Variants in POPDC3 observed in about 807,000 individuals in gnomAD.
POPDC3 encodes the protein popeye domain cAMP effector 3, also known as popeye domain-containing protein 3.
A neutral mutation model predicts 28.2 loss-of-function variants in POPDC3; 20 were observed. The ratio of observed to expected loss-of-function variants is 0.71; its 90% CI spans 0.50 to 1.03. POPDC3 has a LOEUF of 1.03. POPDC3 is among the 50% of genes least tolerant of loss of function. The pLI is 0.00. For synonymous variants in POPDC3, 118 were observed against 124.1 expected (o/e 0.95, Z 0.33); for missense variants, 316 against 345.9 (o/e 0.91, Z 0.69).
chr6:105,173,210 A>G (rs1397894688), intron 1 of POPDC3, among the ~76,000 whole-genome samples: 3 of 152,252 alleles, frequency 2.0e-5, no homozygotes, highest in East Asian at 3.8e-4. Context: ...GATTTAATAT[A>G]AACTTGAAAA....
intron 3 of POPDC3, 93 bp from the exon 4 acceptor site, chr6:105,158,844 G>A: frequency 8.5e-7 from 1 of 1,172,408 alleles, no homozygotes; most frequent in Non-Finnish European, 1.2e-6. Flanking sequence ...AATTTCACGT[G>A]CTGCCTTTTT....
intron 1 of POPDC3, among the ~76,000 whole-genome samples, chr6:105,170,670 T>G (rs1290731386): frequency 6.6e-6 from 1 of 152,172 alleles, no homozygotes; most frequent in Non-Finnish European, 1.5e-5. Context: ...AATTCCACTG[T>G]AACACAACAA....
Position 105,158,606 on chromosome 6 carries a change from T to C in POPDC3, c.740A>G (p.Asn247Ser). ...SDIADKLYAL[N>S]DRVYIGKRYH... Reference sequence around the variant, plus strand: ...TCTTTTTCCTATATATACCCTGTCATTCAAGGCATAGAGTTTATCTGCAAT... The same window carrying C: ...TCTTTTTCCTATATATACCCTGTCACTCAAGGCATAGAGTTTATCTGCAAT... Residue 247 changes from asparagine to serine, a missense_variant, in exon 4 of 4, where the codon AAT (asparagine) becomes AGT (serine). Asn to Ser is a conservative substitution (Grantham distance 46, BLOSUM62 1). Coordinates refer to ENST00000254765, the MANE Select transcript of POPDC3 (RefSeq NM_022361.5). 3 of 1,614,160 alleles carry C rather than the reference T, an allele frequency of 1.9e-6. No homozygotes were observed. The highest frequency in any genetic ancestry group is 2.5e-6 in the Non-Finnish European group (3 of 1,180,024).
chr6:105,166,634 C>G (rs972409927), intron 1 of POPDC3: 4 of 471,040 alleles, frequency 8.5e-6, no homozygotes, highest in South Asian at 3.1e-5. Flanking sequence ...CTCATCAGTC[C>G]AAGAGGGATG....
At chr6:105,175,440 A>C (rs1774664199) in intron 1 of POPDC3, among the ~76,000 whole-genome samples, 1 of 150,528 alleles carries the variant, frequency 6.6e-6, no homozygotes, top group Non-Finnish European at 1.5e-5. Context: ...TGGGAGGCTG[A>C]GGTGGGAGGA....
At chr6:105,164,392 A>G (rs1190288) in intron 1 of POPDC3, among the ~76,000 whole-genome samples, 140,524 of 152,214 alleles carry the variant, frequency 0.92, 65,008 homozygotes, top group Non-Finnish European at 0.96. Context: ...CTGTGCTTCC[A>G]TCTTTACTAA....
rs2114528362 is a variant in POPDC3 at position 105,162,127 on chromosome 6, A to G, written c.-218T>C. ...TTCTTTAAGTTCATCTGGGCTCCTGATTTGGATCCAGTCTGCAAATATTTT... is the reference window on the plus strand; with the variant it reads ...TTCTTTAAGTTCATCTGGGCTCCTGGTTTGGATCCAGTCTGCAAATATTTT... On this transcript the variant is annotated 5_prime_UTR_variant, in exon 2 of 4. Coordinates refer to ENST00000254765, the MANE Select transcript of POPDC3 (RefSeq NM_022361.5). 2 of 1,286,164 alleles carry G rather than the reference A, an allele frequency of 1.6e-6. No homozygotes were observed. The highest frequency in any genetic ancestry group is 5.9e-5 in the East Asian group (2 of 33,868). The allele number at this position is 1,286,164 out of a possible 1,614,324, so 79.7% of individuals were successfully genotyped here. A position where few individuals can be genotyped will look rare whatever the true frequency, so the allele number is the denominator to read the frequency against.
chr6:105,161,454 A>G lies in POPDC3; in HGVS notation c.456T>C (p.Ile152=), dbSNP rs1328942443. 2 of 1,613,810 alleles carry G rather than the reference A, an allele frequency of 1.2e-6. No homozygotes were observed. The highest frequency in any genetic ancestry group is 1.7e-6 in the Non-Finnish European group (2 of 1,179,902). Residue 152 remains isoleucine, a synonymous_variant, in exon 2 of 4, where the codon ATT becomes ATC. Coordinates refer to ENST00000254765, the MANE Select transcript of POPDC3 (RefSeq NM_022361.5). ...HCYAMQGKTS[I]DKLSLLVSGR... ...CTGAAACAAGCAAGGAGAGTTTATC[A>G]ATGGAAGTTTTCCCCTGCATGGCAT...
intron 1 of POPDC3, chr6:105,169,265 G>C (rs895710147): frequency 2.0e-5 from 3 of 152,130 alleles, no homozygotes; most frequent in African/African-American, 7.2e-5. Flanking sequence ...ATTTAAATCA[G>C]GAAAATCAGC....
At chr6:105,171,681 A>G (rs1774580379) in intron 1 of POPDC3, among the ~76,000 whole-genome samples, 1 of 151,110 alleles carries the variant, frequency 6.6e-6, no homozygotes. Context: ...AAATAATAAT[A>G]ATAATAATTA....
intron 1 of POPDC3, among the ~76,000 whole-genome samples, chr6:105,177,724 G>A (rs1774707815): frequency 6.6e-6 from 1 of 152,168 alleles, no homozygotes; most frequent in Admixed American, 6.5e-5. Flanking sequence ...CCAGTTGCTT[G>A]TCCTTCCAAT....
intron 1 of POPDC3, among the ~76,000 whole-genome samples, chr6:105,167,030 T>C (rs1190201856): frequency 5.3e-5 from 8 of 151,408 alleles, no homozygotes; most frequent in Non-Finnish European, 8.8e-5. Flanking sequence ...AGTGCACAGG[T>C]AGAAAAACAG....
intron 3 of POPDC3, 137 bp from the exon 4 acceptor site, chr6:105,158,888 A>G (rs1262697118): frequency 7.6e-6 from 5 of 659,688 alleles, no homozygotes; most frequent in Non-Finnish European, 1.3e-5. Flanking sequence ...CCTACAATAT[A>G]TTGCAAAAAT....
At chr6:105,178,707 T>C in intron 1 of POPDC3, 1 of 984,710 alleles carries the variant, frequency 1.0e-6, no homozygotes, top group Non-Finnish European at 1.2e-6. Flanking sequence ...ATTTTTTGTT[T>C]ATATTTTCTG....
chr6:105,158,386 G>C lies in POPDC3; in HGVS notation c.*84C>G, dbSNP rs1774228562. On this transcript the variant is annotated 3_prime_UTR_variant, in exon 4 of 4. Transcript: ENST00000254765. ...ATTTGATTTATAAAAACATTAGGGA[G>C]CTCTTTTTTTGTATTTTGCTATTTC... The C allele has an allele frequency of 3.5e-6, 4 of 1,156,236 alleles. No individual in the cohort carries two copies. The highest frequency in any genetic ancestry group is 4.8e-6 in the Non-Finnish European group (4 of 828,190). The allele number at this position is 1,156,236 out of a possible 1,614,324, so 71.6% of individuals were successfully genotyped here. A position where few individuals can be genotyped will look rare whatever the true frequency, so the allele number is the denominator to read the frequency against.
At chr6:105,167,899 G>A (rs1289456623) in intron 1 of POPDC3, among the ~76,000 whole-genome samples, 1 of 152,098 alleles carries the variant, frequency 6.6e-6, no homozygotes, top group Non-Finnish European at 1.5e-5. Context: ...TGTTTATGTG[G>A]CTTGCATTAT....
chr6:105,177,735 A>G (rs1774707999), intron 1 of POPDC3, among the ~76,000 whole-genome samples: 1 of 152,158 alleles, frequency 6.6e-6, no homozygotes, highest in African/African-American at 2.4e-5. Context: ...TCCTTCCAAT[A>G]CTACCCCACA....
Position 105,159,725 on chromosome 6 carries a change from C to A in POPDC3, c.580G>T (p.Glu194Ter). 6.2e-7 allele frequency: 1 copy of A among 1,609,884 alleles called. No homozygotes were observed. The highest frequency in any genetic ancestry group is 8.5e-7 in the Non-Finnish European group (1 of 1,176,328). Residue 194 changes from glutamate to a stop codon, truncating the protein, a stop_gained, in exon 3 of 4, where the codon GAA becomes TAA. Coordinates refer to ENST00000254765, the MANE Select transcript of POPDC3 (RefSeq NM_022361.5). LOFTEE classifies it high-confidence loss of function. Reference sequence around the variant, plus strand: ...GTATCCCTTACCTGAAAAATGCCTTCCTCTGTGGGTCTCAGTGAATCCCAC... The same window carrying A: ...GTATCCCTTACCTGAAAAATGCCTTACTCTGTGGGTCTCAGTGAATCCCAC... ...PEWDSLRPTE[E>*]GIFQVTLTAE...
intron 1 of POPDC3, among the ~76,000 whole-genome samples, chr6:105,166,267 C>T (rs1179052223): frequency 4.0e-5 from 6 of 151,630 alleles, no homozygotes; most frequent in Non-Finnish European, 7.4e-5. Context: ...AATATAGAGC[C>T]GAGTGGCAGA....
Sources: gnomAD v4.1 joint callset for allele counts (sites outside exome capture counted in the v4.1 genomes callset) on GRCh38, gnomAD v4.1.1 for gene constraint, MANE v1.5 for transcripts, NCBI Gene and HGNC (gene_info 2026-07-23, HGNC 2026-07-21) for gene names.